The following ADK variants were observed in gnomAD, a reference collection of about 807,000 sequenced individuals.
The protein encoded by ADK is N6,N6-dimethyladenosine kinase.
ADK carries 24 observed loss-of-function variants against 44.7 expected under a neutral mutation model. The observed-to-expected ratio is 0.54, with a 90% CI of 0.39 to 0.76. The LOEUF is 0.76. Ranked by LOEUF, ADK falls within the 30% of genes least tolerant of loss-of-function variation. ADK has a pLI of 0.00. For synonymous variants in ADK, 128 were observed against 142.6 expected, an observed-to-expected ratio of 0.90 and a Z score of 0.73; for missense variants, 321 against 425.1, an observed-to-expected ratio of 0.76 and a Z score of 2.15.
chr10:74,659,316 C>T (rs2134162969), intron 9 of ADK, among the ~76,000 whole-genome samples: 1 of 152,278 alleles, frequency 6.6e-6, no homozygotes, highest in Non-Finnish European at 1.5e-5. Flanking sequence ...GTCATTTTTC[C>T]ATGGAAAACT....
intron 6 of ADK, among the ~76,000 whole-genome samples, chr10:74,484,484 C>T (rs1465050411): frequency 6.6e-6 from 1 of 152,124 alleles, no homozygotes; most frequent in East Asian, 1.9e-4. Flanking sequence ...TTCCAATATA[C>T]TCTGCTTATA....
At chr10:74,176,683 G>T in intron 1 of ADK, 1 of 1,442,156 alleles carries the variant, frequency 6.9e-7, no homozygotes, top group Non-Finnish European at 9.1e-7. Flanking sequence ...GGGGCGGAGC[G>T]CCCGCCTTCC....
At chr10:74,576,595 G>T (rs1266895704) in intron 7 of ADK, among the ~76,000 whole-genome samples, 1 of 152,040 alleles carries the variant, frequency 6.6e-6, no homozygotes, top group Non-Finnish European at 1.5e-5. Flanking sequence ...ACTGAGGTTG[G>T]TGACCCGTGA....
intron 4 of ADK, among the ~76,000 whole-genome samples, chr10:74,392,805 T>G (rs1376568409): frequency 6.6e-6 from 1 of 151,426 alleles, no homozygotes; most frequent in African/African-American, 2.4e-5. Flanking sequence ...TGAGACTTGA[T>G]TTTTTTTTGA....
At chr10:74,557,672 G>C (rs541445913) in intron 7 of ADK, among the ~76,000 whole-genome samples, 38 of 152,276 alleles carry the variant, frequency 2.5e-4, no homozygotes, top group African/African-American at 8.7e-4. Flanking sequence ...AGGAAGATGG[G>C]CAGCTCATGC....
At chr10:74,665,401 G>T (rs1854908776) in intron 9 of ADK, among the ~76,000 whole-genome samples, 1 of 152,082 alleles carries the variant, frequency 6.6e-6, no homozygotes, top group South Asian at 2.1e-4. Context: ...TATTGATGCT[G>T]GGTCAGAGGC....
intron 1 of ADK, among the ~76,000 whole-genome samples, chr10:74,199,436 A>T (rs1268627902): frequency 6.6e-6 from 1 of 152,158 alleles, no homozygotes; most frequent in Non-Finnish European, 1.5e-5. Context: ...AAGTGAAAAC[A>T]TGTGATATTT....
chr10:74,346,352 A>G (rs117907691), intron 4 of ADK, among the ~76,000 whole-genome samples: 2,639 of 150,802 alleles, frequency 0.017, 33 homozygotes, highest in Admixed American at 0.027. Context: ...TTACACTTAT[A>G]GTACAGTATA....
At chr10:74,491,907 A>G (rs1056135740) in intron 6 of ADK, among the ~76,000 whole-genome samples, 6 of 152,036 alleles carry the variant, frequency 3.9e-5, no homozygotes, top group African/African-American at 1.2e-4. Context: ...CTACTACTTT[A>G]CCTTTTGAAT....
At chr10:74,570,853 C>A (rs565390782) in intron 7 of ADK, among the ~76,000 whole-genome samples, 1,725 of 152,064 alleles carry the variant, frequency 0.011, 33 homozygotes, top group African/African-American at 0.04. Context: ...AGAGGGCATC[C>A]CTGTCTTGTG....
At chr10:74,586,877 G>GTA (rs1204739663) in intron 7 of ADK, among the ~76,000 whole-genome samples, 11 of 143,632 alleles carry the variant, frequency 7.7e-5, no homozygotes, top group South Asian at 6.3e-4. Context: ...AAATATATAT[G>GTA]TATATATATA....
At chr10:74,513,340 A>T (rs1848422441) in intron 6 of ADK, among the ~76,000 whole-genome samples, 1 of 152,128 alleles carries the variant, frequency 6.6e-6, no homozygotes, top group South Asian at 2.1e-4. Context: ...CCCAGTGTTG[A>T]GAGTGGGATG....
intron 6 of ADK, among the ~76,000 whole-genome samples, chr10:74,459,260 A>G (rs979568481): frequency 1.4e-4 from 21 of 152,010 alleles, no homozygotes; most frequent in African/African-American, 4.8e-4. Context: ...CAGCCTGGGC[A>G]ACAGAACGAG....
At chr10:74,346,652 GT>G (rs1284317591) in intron 4 of ADK, among the ~76,000 whole-genome samples, 1 of 151,940 alleles carries the variant, frequency 6.6e-6, no homozygotes, top group Non-Finnish European at 1.5e-5. Flanking sequence ...AATACCTGAG[GT>G]TTTTTTTCCC....
intron 7 of ADK, among the ~76,000 whole-genome samples, chr10:74,542,403 T>G (rs1348471161): frequency 6.6e-6 from 1 of 152,220 alleles, no homozygotes; most frequent in Non-Finnish European, 1.5e-5. Context: ...AAAAACAAAT[T>G]TACTAAGAGC....
At chr10:74,316,805 T>C (rs1214628950) in intron 4 of ADK, among the ~76,000 whole-genome samples, 2 of 152,238 alleles carry the variant, frequency 1.3e-5, no homozygotes, top group African/African-American at 4.8e-5. Flanking sequence ...AAAAGTTTAT[T>C]AATTATATAA....
chr10:74,372,223 C>T (rs1842683217), intron 4 of ADK: 17 of 760,796 alleles, frequency 2.2e-5, no homozygotes, highest in Non-Finnish European at 4.1e-5. Flanking sequence ...GGTGAATGGA[C>T]TGCTCCAGCT....
At chr10:74,351,146 T>C (rs551414202) in intron 4 of ADK, among the ~76,000 whole-genome samples, 1 of 152,180 alleles carries the variant, frequency 6.6e-6, no homozygotes, top group Non-Finnish European at 1.5e-5. Flanking sequence ...TTCAGGCCAA[T>C]ATCCCTGATG....
At chr10:74,164,397 A>C (rs1438335336) in intron 1 of ADK, among the ~76,000 whole-genome samples, 2 of 152,086 alleles carry the variant, frequency 1.3e-5, no homozygotes, top group African/African-American at 4.8e-5. Context: ...TTAGCTGGGC[A>C]TGGTGGTGGG....
Sources: gnomAD v4.1 joint callset for allele counts (sites outside exome capture counted in the v4.1 genomes callset) on GRCh38, gnomAD v4.1.1 for gene constraint, MANE v1.5 for transcripts, NCBI Gene and HGNC (gene_info 2026-07-23, HGNC 2026-07-21) for gene names.